The following PPP1R13B variants were observed in gnomAD, a reference collection of about 807,000 sequenced individuals.
PPP1R13B encodes the protein protein phosphatase 1 regulatory subunit 13B.
In PPP1R13B, 44 loss-of-function variants were observed where a neutral mutation model predicts 119.8. That is an observed-to-expected ratio of 0.37 (90% CI 0.29 to 0.47). The LOEUF (loss-of-function observed/expected upper bound fraction) is 0.47. Among genes scored for constraint, PPP1R13B ranks in the 20% least tolerant of loss-of-function variants. The pLI, the probability that PPP1R13B is intolerant of heterozygous loss-of-function variation, is 0.99. For missense variants in PPP1R13B, 1,227 were observed against 1,413.5 expected (o/e 0.87, Z 2.12); for synonymous variants, 542 against 561.5 (o/e 0.97, Z 0.49).
chr14:103,767,839 T>C (rs977072895), intron 4 of PPP1R13B, among the ~76,000 whole-genome samples: 6 of 152,208 alleles, frequency 3.9e-5, no homozygotes, highest in African/African-American at 9.7e-5. Flanking sequence ...TGGGAAGTAT[T>C]GCCCAACATC....
At chr14:103,798,921 T>C (rs948156638) in intron 1 of PPP1R13B, among the ~76,000 whole-genome samples, 1 of 151,680 alleles carries the variant, frequency 6.6e-6, no homozygotes, top group Admixed American at 6.6e-5. Context: ...AACTCCTGAG[T>C]TCAAGCAATC....
At chr14:103,831,497 G>A (rs115432970) in intron 1 of PPP1R13B, among the ~76,000 whole-genome samples, 1,880 of 150,202 alleles carry the variant, frequency 0.013, 34 homozygotes, top group African/African-American at 0.035. Context: ...TTTTAGTACC[G>A]AGAGGGTTTC....
At chr14:103,790,458 A>C (rs980439118) in intron 2 of PPP1R13B, among the ~76,000 whole-genome samples, 2 of 152,042 alleles carry the variant, frequency 1.3e-5, no homozygotes, top group African/African-American at 4.8e-5. Context: ...TGAGAGCTCT[A>C]TCTTCATAAA....
At chr14:103,833,683 T>C (rs12588797) in intron 1 of PPP1R13B, among the ~76,000 whole-genome samples, 44,170 of 151,748 alleles carry the variant, frequency 0.29, 6,904 homozygotes, top group Non-Finnish European at 0.34. Flanking sequence ...TACCTAAAAG[T>C]CCTTCCCTAT....
intron 1 of PPP1R13B, among the ~76,000 whole-genome samples, chr14:103,817,676 G>A (rs1190351513): frequency 6.6e-6 from 1 of 151,758 alleles, no homozygotes; most frequent in East Asian, 1.9e-4. Flanking sequence ...AATAAAAATA[G>A]CTAATTATTT....
In PPP1R13B at chr14:103,787,545, G is replaced by A. The variant is rs148780562; in HGVS notation, c.158-2631C>T. The stretch of plus-strand genomic sequence containing the variant: ...AAAAAAAAAACCCTAGGGACTGGGC[G>A]TGGTGGCTTACACCTGAATCCCAGC... On this transcript the variant is annotated intron_variant, in intron 2 of 16. Transcript: ENST00000202556. Among the ~76,000 whole-genome samples, 1,479 of 150,864 alleles carry A rather than the reference G, an allele frequency of 9.8e-3. 12 individuals are homozygous for A. The highest frequency in any genetic ancestry group is 0.034 in the South Asian group (164 of 4,780).
chr14:103,817,363 A>G (rs568729332), intron 1 of PPP1R13B, among the ~76,000 whole-genome samples: 13 of 152,298 alleles, frequency 8.5e-5, no homozygotes, highest in African/African-American at 2.4e-4. Context: ...AGAAATCACT[A>G]TCAAAATGAA....
At chr14:103,793,123 TGGGAGGGGAG>T (rs1225623407) in intron 2 of PPP1R13B, among the ~76,000 whole-genome samples, 1 of 14,910 alleles carries the variant, frequency 6.7e-5, no homozygotes, top group Non-Finnish European at 1.2e-4. Context: ...GGGAAGGCAA[TGGGAGGGGAG>T]GGGAGGGGAG....
chr14:103,848,225 G>C, upstream of PPP1R13B: 1 of 983,732 alleles, frequency 1.0e-6, no homozygotes, highest in Non-Finnish European at 1.2e-6. Context: ...TCGCCCGAGC[G>C]ATCTCCCGCC....
intron 4 of PPP1R13B, among the ~76,000 whole-genome samples, chr14:103,761,685 C>T (rs1273042763): frequency 1.3e-5 from 2 of 151,774 alleles, no homozygotes; most frequent in African/African-American, 4.8e-5. Context: ...ATCGCTTGAA[C>T]CCAGGAGGCG....
chr14:103,750,398 A>T (rs2084509964), intron 7 of PPP1R13B, among the ~76,000 whole-genome samples: 1 of 152,228 alleles, frequency 6.6e-6, no homozygotes, highest in Non-Finnish European at 1.5e-5. Flanking sequence ...CATTTTAAAG[A>T]AATGAACTAG....
intron 1 of PPP1R13B, among the ~76,000 whole-genome samples, chr14:103,821,771 A>G (rs1048298361): frequency 9.9e-5 from 15 of 151,888 alleles, no homozygotes; most frequent in African/African-American, 3.4e-4. Context: ...AATAAATAAA[A>G]TAAATAAATA....
At chr14:103,810,499 CGTG>C (rs1454261417) in intron 1 of PPP1R13B, among the ~76,000 whole-genome samples, 1 of 152,014 alleles carries the variant, frequency 6.6e-6, no homozygotes, top group Non-Finnish European at 1.5e-5. Context: ...TTTGGCTGGG[CGTG>C]GTGGCTCATG....
intron 3 of PPP1R13B, 97 bp downstream of exon 3, chr14:103,784,698 G>T (rs1451514683): frequency 2.4e-6 from 3 of 1,262,112 alleles, no homozygotes; most frequent in African/African-American, 3.0e-5. Context: ...TAAGTGCAGG[G>T]CCGGGTGTGT....
At position 103,836,532 on chromosome 14, in the gene PPP1R13B, A is replaced by C. The variant is rs572984827; in HGVS notation, c.9+10767T>G. On this transcript the variant is annotated intron_variant, in intron 1 of 16. Transcript: ENST00000202556. ...ATGCCTGTAATCCCAGCACTTTGGG[A>C]GGGAGAGGCAGGCGGATCATGAGGT... Among the ~76,000 whole-genome samples the C allele has an allele frequency of 5.9e-5, 9 of 151,970 alleles. No homozygotes were observed. In the South Asian group the frequency reaches 1.9e-3, roughly 32 times the overall value.
chr14:103,773,702 C>G (rs1041750381), intron 4 of PPP1R13B, among the ~76,000 whole-genome samples: 2 of 152,164 alleles, frequency 1.3e-5, no homozygotes, highest in African/African-American at 4.8e-5. Flanking sequence ...GTTTCAGGAA[C>G]TGACAACACC....
At chr14:103,748,597 G>A (rs2084457976) in intron 8 of PPP1R13B, among the ~76,000 whole-genome samples, 1 of 152,226 alleles carries the variant, frequency 6.6e-6, no homozygotes, top group East Asian at 1.9e-4. Context: ...AGGGCAGAAT[G>A]CACTCAGCTC....
intron 4 of PPP1R13B, among the ~76,000 whole-genome samples, chr14:103,765,984 A>ATTTTATTAT (rs1567106847): frequency 8.9e-6 from 1 of 111,776 alleles, no homozygotes; most frequent in African/African-American, 3.7e-5. Flanking sequence ...GGAAATTTTT[A>ATTTTATTAT]TTTTATTATT....
At chr14:103,787,367 G>A (rs934605123) in intron 2 of PPP1R13B, among the ~76,000 whole-genome samples, 6 of 152,096 alleles carry the variant, frequency 3.9e-5, no homozygotes, top group Middle Eastern at 3.4e-3. Context: ...AGAACTGCTT[G>A]AACCTGGGAG....
Sources: allele counts gnomAD v4.1 joint callset (sites outside exome capture counted in the v4.1 genomes callset), GRCh38; gene constraint gnomAD v4.1.1; transcripts MANE v1.5; gene names NCBI Gene and HGNC (gene_info 2026-07-23, HGNC 2026-07-21).